The following SLC30A9 variants were observed in gnomAD, a reference collection of about 807,000 sequenced individuals.
SLC30A9 encodes the protein solute carrier family 30 member 9, also known as proton-coupled zinc antiporter SLC30A9, mitochondrial.
A neutral mutation model predicts 87.5 loss-of-function variants in SLC30A9; 58 were observed. The ratio of observed to expected loss-of-function variants is 0.66; its 90% CI spans 0.54 to 0.82. The LOEUF (loss-of-function observed/expected upper bound fraction) is 0.82. SLC30A9 is among the 40% of genes least tolerant of loss of function. SLC30A9 has a pLI of 0.00. For missense variants in SLC30A9, 557 were observed against 679.1 expected (o/e 0.82, Z 2.00); for synonymous variants, 234 against 233.0 (o/e 1.00, Z -0.04).
At chr4:42,041,795 T>C (rs971214691) in intron 8 of SLC30A9, among the ~76,000 whole-genome samples, 12 of 152,132 alleles carry the variant, frequency 7.9e-5, no homozygotes, top group Non-Finnish European at 1.6e-4. Context: ...ACAGATCCTG[T>C]CTGCAGCTCC....
At chr4:42,037,697 A>G (rs1390505477) in intron 7 of SLC30A9, among the ~76,000 whole-genome samples, 1 of 152,204 alleles carries the variant, frequency 6.6e-6, no homozygotes, top group African/African-American at 2.4e-5. Flanking sequence ...GATATTGGCT[A>G]TCCAGTTTCA....
chr4:42,066,467 A>G, intron 12 of SLC30A9, 83 bp from the exon 13 acceptor site: 1 of 790,904 alleles, frequency 1.3e-6, no homozygotes, highest in South Asian at 1.8e-5. Flanking sequence ...TGTTGTGCTT[A>G]TTTGTTTATC....
intron 6 of SLC30A9, among the ~76,000 whole-genome samples, chr4:42,030,562 G>A (rs890935015): frequency 6.6e-6 from 1 of 150,664 alleles, no homozygotes; most frequent in African/African-American, 2.4e-5. Flanking sequence ...ATATTCAATG[G>A]GAATGAAACT....
chr4:42,016,533 A>G (rs146650956), intron 2 of SLC30A9, among the ~76,000 whole-genome samples: 3 of 152,168 alleles, frequency 2.0e-5, no homozygotes, highest in East Asian at 3.9e-4. Flanking sequence ...GTGATAGCTT[A>G]TTGTATATAT....
chr4:41,999,126 A>G (rs1296917310), intron 1 of SLC30A9, among the ~76,000 whole-genome samples: 1 of 152,210 alleles, frequency 6.6e-6, no homozygotes, highest in Non-Finnish European at 1.5e-5. Flanking sequence ...AGATTGAAAA[A>G]TGCCAAGTAA....
chr4:42,046,766 G>A (rs1717175522), intron 8 of SLC30A9, among the ~76,000 whole-genome samples: 1 of 152,130 alleles, frequency 6.6e-6, no homozygotes, highest in Admixed American at 6.6e-5. Flanking sequence ...AAAAGAGCCT[G>A]TATAGCCAAG....
At chr4:42,057,104 G>C (rs1207315722) in intron 9 of SLC30A9, among the ~76,000 whole-genome samples, 1 of 152,202 alleles carries the variant, frequency 6.6e-6, no homozygotes, top group South Asian at 2.1e-4. Flanking sequence ...GCTTTCAGGG[G>C]CTGGCATTGA....
intron 2 of SLC30A9, among the ~76,000 whole-genome samples, chr4:42,007,128 T>A (rs1475344942): frequency 6.6e-6 from 1 of 151,742 alleles, no homozygotes; most frequent in Non-Finnish European, 1.5e-5. Context: ...AGGTCTGGAG[T>A]AGGGTAATAA....
chr4:41,990,943 T>C (rs1277113713), intron 1 of SLC30A9, among the ~76,000 whole-genome samples, 183 bp downstream of exon 1: 1 of 152,230 alleles, frequency 6.6e-6, no homozygotes, highest in Non-Finnish European at 1.5e-5. Context: ...GGTCTCTGAC[T>C]CTGATGCCTT....
chr4:42,042,818 C>T (rs1716978680), intron 8 of SLC30A9, among the ~76,000 whole-genome samples: 1 of 152,152 alleles, frequency 6.6e-6, no homozygotes, highest in South Asian at 2.1e-4. Context: ...ACACCTCATA[C>T]AGGAGAGCTC....
In SLC30A9 at chr4:42,068,477, G is replaced by C. The variant is rs114574615; in HGVS notation, c.1252+1285G>C. Among the ~76,000 whole-genome samples, 1,377 of 151,688 alleles carry C rather than the reference G, an allele frequency of 9.1e-3. 22 individuals carry two copies. The highest frequency in any genetic ancestry group is 0.032 in the African/African-American group (1,323 of 41,338). On this transcript the variant is annotated intron_variant, in intron 14 of 17. Coordinates refer to ENST00000264451, the MANE Select transcript of SLC30A9 (RefSeq NM_006345.4). ...AGGCTGATCTCAAACTCCCGACCTC[G>C]GGGGTGATCCTCCCACCTTGGCCTC...
chr4:42,029,369 TC>T, intron 6 of SLC30A9: 1 of 595,526 alleles, frequency 1.7e-6, no homozygotes, highest in Non-Finnish European at 3.3e-6. Flanking sequence ...ATCGGAATGA[TC>T]CAAGTGGTGC....
At chr4:42,080,811 T>C (rs1329507947) in intron 17 of SLC30A9, among the ~76,000 whole-genome samples, 2 of 152,244 alleles carry the variant, frequency 1.3e-5, no homozygotes, top group South Asian at 2.1e-4. Flanking sequence ...TAAAATCTGT[T>C]GGTCTATTTT....
chr4:42,073,068 C>T (rs905181792), intron 15 of SLC30A9, among the ~76,000 whole-genome samples: 5 of 150,686 alleles, frequency 3.3e-5, no homozygotes, highest in Non-Finnish European at 7.4e-5. Context: ...GGTTTCATCA[C>T]TGGCCATGTT....
At chr4:42,062,452 G>A (rs1717895867) in intron 10 of SLC30A9, among the ~76,000 whole-genome samples, 1 of 152,138 alleles carries the variant, frequency 6.6e-6, no homozygotes, top group Non-Finnish European at 1.5e-5. Context: ...AAAACACCCA[G>A]AAAACTGAAG....
At chr4:42,077,565 G>C (rs1226093393) in intron 16 of SLC30A9, among the ~76,000 whole-genome samples, 3 of 151,788 alleles carry the variant, frequency 2.0e-5, no homozygotes, top group African/African-American at 7.3e-5. Context: ...GACCACACCC[G>C]GTTAATTTTT....
In SLC30A9 at chr4:42,060,191, G is replaced by A; in HGVS notation, c.841G>A (p.Gly281Ser). 1 of 1,609,466 alleles carries A rather than the reference G, an allele frequency of 6.2e-7. No individual in the cohort carries two copies. The highest frequency in any genetic ancestry group is 8.5e-7 in the Non-Finnish European group (1 of 1,176,608). Residue 281 changes from glycine (G) to serine (S), a missense_variant and splice_region_variant, in exon 10 of 18, where the codon GGT (glycine) becomes AGT (serine). Physicochemically the swap from Gly to Ser is moderately conservative, Grantham distance 56 (BLOSUM62 0). This residue lies in a region of SLC30A9 where 467 missense variants were observed against 529.8 expected (regional missense o/e 0.88). Transcript: ENST00000264451. ...IHSLSDTCNQ[G>S]LLALGISKSV... Reference sequence around the variant, plus strand: ...CACCTTTTTTTCTTCTTCTTCATAGGGTTTACTAGCATTGGGCATCAGTAA... The same window carrying A: ...CACCTTTTTTTCTTCTTCTTCATAGAGTTTACTAGCATTGGGCATCAGTAA...
Position 42,020,477 on chromosome 4 carries a change from T to C in SLC30A9, c.396T>C (p.Thr132=), listed in dbSNP as rs778086072. ...AGTACACTCAGAATAATTTCATCAC[T>C]GGAGTCAGAGCGATAAATGAGTTCT... ...GSKYTQNNFI[T]GVRAINEFCL... is the part of the protein sequence containing the mutation. The change falls in exon 4 of 18, where the codon ACT becomes ACC. Residue 132 remains threonine, a synonymous_variant. Coordinates refer to ENST00000264451, the MANE Select transcript of SLC30A9 (RefSeq NM_006345.4). 1.2e-6 allele frequency: 2 copies of C among 1,603,682 alleles called. No individual in the cohort carries two copies. Among genetic ancestry groups the C allele is most frequent in the South Asian group, 2.2e-5 (2 of 90,536 alleles).
chr4:42,019,104 A>G (rs2153135118), intron 3 of SLC30A9, among the ~76,000 whole-genome samples: 1 of 152,176 alleles, frequency 6.6e-6, no homozygotes, highest in Admixed American at 6.5e-5. Flanking sequence ...GTAAGTATGT[A>G]TTATTTTAGG....
Sources: allele counts gnomAD v4.1 joint callset (sites outside exome capture counted in the v4.1 genomes callset), GRCh38; gene constraint gnomAD v4.1.1; regional missense constraint gnomAD v4.1.1; transcripts MANE v1.5; gene names NCBI Gene and HGNC (gene_info 2026-07-23, HGNC 2026-07-21).